The following PAPPA variants were observed in gnomAD, a reference collection of about 807,000 sequenced individuals.
PAPPA encodes pappalysin-1.
In PAPPA, 60 loss-of-function variants were observed where a neutral mutation model predicts 164.0. The observed-to-expected ratio is 0.37, with a 90% CI of 0.30 to 0.45. The LOEUF is 0.45. PAPPA is among the 20% of genes least tolerant of loss of function. The probability of loss-of-function intolerance (pLI) is 1.00; values close to 1 mark genes in which losing one functional copy is unlikely to be tolerated. For synonymous variants in PAPPA, 875 were observed against 814.1 expected, an observed-to-expected ratio of 1.07 and a Z score of -1.27; for missense variants, 1,782 against 2,087.3, an observed-to-expected ratio of 0.85 and a Z score of 2.85.
chr9:116,376,459 A>C (rs1846655038), intron 19 of PAPPA, among the ~76,000 whole-genome samples: 1 of 152,170 alleles, frequency 6.6e-6, no homozygotes, highest in African/African-American at 2.4e-5. Flanking sequence ...ATCATTTCTG[A>C]AACAACTGGT....
At chr9:116,308,236 A>G (rs1587997001) in intron 10 of PAPPA, among the ~76,000 whole-genome samples, 1 of 152,208 alleles carries the variant, frequency 6.6e-6, no homozygotes, top group East Asian at 1.9e-4. Flanking sequence ...ATAGTAGCCA[A>G]AGACCCAAGA....
At chr9:116,156,718 G>A (rs1843609459) in intron 1 of PAPPA, among the ~76,000 whole-genome samples, 1 of 152,140 alleles carries the variant, frequency 6.6e-6, no homozygotes, top group Non-Finnish European at 1.5e-5. Flanking sequence ...TAAACACCTG[G>A]CTCTGAGCCA....
At chr9:116,168,522 A>T (rs2118985546) in intron 1 of PAPPA, among the ~76,000 whole-genome samples, 1 of 152,340 alleles carries the variant, frequency 6.6e-6, no homozygotes, top group East Asian at 1.9e-4. Context: ...AAGTGCTCTG[A>T]AATTTCAAAG....
At chr9:116,275,450 C>G (rs1351541433) in intron 9 of PAPPA, among the ~76,000 whole-genome samples, 1 of 152,146 alleles carries the variant, frequency 6.6e-6, no homozygotes, top group Non-Finnish European at 1.5e-5. Context: ...TATGTGAGAT[C>G]TGAGGTCTCT....
intron 8 of PAPPA, among the ~76,000 whole-genome samples, chr9:116,269,788 A>C (rs1845116162): frequency 6.6e-6 from 1 of 152,214 alleles, no homozygotes; most frequent in African/African-American, 2.4e-5. Context: ...GTCTTTTCCA[A>C]AACAACCTAT....
intron 9 of PAPPA, among the ~76,000 whole-genome samples, chr9:116,284,417 A>G (rs1325915213): frequency 6.6e-6 from 1 of 151,904 alleles, no homozygotes; most frequent in African/African-American, 2.4e-5. Flanking sequence ...TTTTCTGACC[A>G]TCCCTCCACA....
At position 116,256,009 on chromosome 9, in the gene PAPPA, G is replaced by T. The variant is rs143846012; in HGVS notation, c.2733-9848G>T. On this transcript the variant is annotated intron_variant, in intron 7 of 21. Transcript: ENST00000328252. ...AAATGCCTGAGCTGAAAAATTAAGT[G>T]AAAAAAAAAAAAAGATTCCAGGTTA... Among the ~76,000 whole-genome samples, 2 of 134,446 alleles carry T rather than the reference G, an allele frequency of 1.5e-5. 1 individual carries two copies. Among genetic ancestry groups the T allele is most frequent in the East Asian group, 4.5e-4 (2 of 4,492 alleles). 88.2% of individuals were successfully genotyped at this position (134,446 alleles called of 152,430 possible).
At chr9:116,334,241 A>AAC (rs1369524668) in intron 12 of PAPPA, among the ~76,000 whole-genome samples, 2 of 148,312 alleles carry the variant, frequency 1.3e-5, no homozygotes, top group Admixed American at 6.7e-5. Context: ...GCTGCATTAA[A>AAC]AAAAAAAAAA....
chr9:116,268,695 C>CTTAAT (rs60145169), intron 8 of PAPPA, among the ~76,000 whole-genome samples: 96,358 of 151,198 alleles, frequency 0.64, 31,104 homozygotes, highest in East Asian at 0.89. Context: ...AAATAGTATA[C>CTTAAT]TTAATACAGT....
intron 21 of PAPPA, among the ~76,000 whole-genome samples, chr9:116,393,158 G>A (rs1375210480): frequency 1.3e-5 from 2 of 152,186 alleles, no homozygotes; most frequent in Non-Finnish European, 2.9e-5. Context: ...TGATTGAACT[G>A]GGGAGGACAG....
In PAPPA at chr9:116,302,761, A is replaced by C; in HGVS notation, c.2958A>C (p.Glu986Asp). 1 of 1,609,840 alleles carries C rather than the reference A, an allele frequency of 6.2e-7. No individual in the cohort carries two copies. Among genetic ancestry groups the C allele is most frequent in the Non-Finnish European group, 8.5e-7 (1 of 1,176,880 alleles). Residue 986 changes from glutamate (E) to aspartate (D), a missense_variant, in exon 10 of 22, where the codon GAA becomes GAC. Physicochemically the swap from Glu to Asp is conservative, Grantham distance 45. Coordinates refer to ENST00000328252, the MANE Select transcript of PAPPA (RefSeq NM_002581.5). Reference protein sequence around the residue: ...RQEVSFNCIDEPSRCYFHDGD... With the variant: ...RQEVSFNCIDDPSRCYFHDGD... The stretch of plus-strand genomic sequence containing the variant: ...TTCTATGTCAATCTTTTGCAGATGA[A>C]CCCAGCCGGTGCTATTTCCATGATG...
At chr9:116,377,212 A>G (rs975459623) in intron 19 of PAPPA, among the ~76,000 whole-genome samples, 25 of 151,556 alleles carry the variant, frequency 1.6e-4, no homozygotes, top group Admixed American at 1.5e-3. Context: ...ACACATGCGC[A>G]CACACACACA....
rs942458950 is a variant in PAPPA, at chr9:116,398,419, G to A, written c.*1803G>A. 1.6e-5 allele frequency: 6 copies of A among 384,392 alleles called. No homozygotes were observed. Among genetic ancestry groups the A allele is most frequent in the East Asian group, 7.6e-5 (1 of 13,204 alleles). 23.8% of individuals were successfully genotyped at this position (384,392 alleles called of 1,614,324 possible). ...CATAGGGATAGAAAATACCATGCACGTGTGCAGCCCCACCTAATTCCTGCA... is the reference window on the plus strand; with the variant it reads ...CATAGGGATAGAAAATACCATGCACATGTGCAGCCCCACCTAATTCCTGCA... On this transcript the variant is annotated 3_prime_UTR_variant, in exon 22 of 22. Transcript: ENST00000328252.
chr9:116,253,403 A>G (rs1333929204), intron 7 of PAPPA, among the ~76,000 whole-genome samples: 1 of 152,218 alleles, frequency 6.6e-6, no homozygotes, highest in Non-Finnish European at 1.5e-5. Context: ...AGTGATGTCC[A>G]GAGAAAAATA....
At chr9:116,363,877 C>A (rs1457675922) in intron 18 of PAPPA, among the ~76,000 whole-genome samples, 3 of 152,194 alleles carry the variant, frequency 2.0e-5, no homozygotes, top group Non-Finnish European at 4.4e-5. Context: ...AAGTTCTTCA[C>A]TGTAACTTAC....
intron 10 of PAPPA, among the ~76,000 whole-genome samples, chr9:116,307,490 C>T (rs920754320): frequency 1.3e-5 from 2 of 152,010 alleles, no homozygotes; most frequent in African/African-American, 4.8e-5. Context: ...ATCCCAGCTA[C>T]TTGGGAAGCT....
At chr9:116,277,222 T>G (rs2118836528) in intron 9 of PAPPA, among the ~76,000 whole-genome samples, 1 of 152,276 alleles carries the variant, frequency 6.6e-6, no homozygotes, top group South Asian at 2.1e-4. Flanking sequence ...CCAGACTGCA[T>G]GTATTCAATC....
At position 116,347,300 on chromosome 9, in the gene PAPPA, C is replaced by T; in HGVS notation, c.3964+91C>T. On this transcript the variant is annotated intron_variant, in intron 15 of 21. Coordinates refer to ENST00000328252, the MANE Select transcript of PAPPA (RefSeq NM_002581.5). The surrounding 1 kb of genome is among the most constrained non-coding windows in gnomAD (Gnocchi z 4.5). ...GGCCCTCTTTCTGGGTCTCAAACAC[C>T]AAGGGTGGGATGGGTTTTATCTATG... The T allele has an allele frequency of 1.8e-6, 2 of 1,138,806 alleles. No homozygotes were observed. Among genetic ancestry groups the T allele is most frequent in the South Asian group, 1.6e-5 (1 of 63,236 alleles). The allele number at this position is 1,138,806 out of a possible 1,614,324, so 70.5% of individuals were successfully genotyped here.
At chr9:116,203,695 T>C (rs1844198188) in intron 2 of PAPPA, among the ~76,000 whole-genome samples, 1 of 152,222 alleles carries the variant, frequency 6.6e-6, no homozygotes, top group Admixed American at 6.5e-5. Flanking sequence ...CCGTGTTGCC[T>C]CTAATCCTTA....
Sources: allele counts gnomAD v4.1 joint callset (sites outside exome capture counted in the v4.1 genomes callset), GRCh38; gene constraint gnomAD v4.1.1; non-coding constraint Gnocchi (gnomAD v3.1); transcripts MANE v1.5; gene names NCBI Gene and HGNC (gene_info 2026-07-23, HGNC 2026-07-21).